The following UPP2 variants were observed in gnomAD, a reference collection of about 807,000 sequenced individuals.
The protein encoded by UPP2 is UPase 2.
A neutral mutation model predicts 26.7 loss-of-function variants in UPP2; 23 were observed. The observed-to-expected ratio is 0.86, with a 90% CI of 0.62 to 1.22. The LOEUF (loss-of-function observed/expected upper bound fraction) is 1.22. Among genes scored for constraint, UPP2 ranks in the 50% most tolerant of loss-of-function variants. The probability of loss-of-function intolerance (pLI) is 0.00; values close to 1 mark genes in which losing one functional copy is unlikely to be tolerated. For synonymous variants in UPP2, 127 were observed against 141.3 expected, an observed-to-expected ratio of 0.90 and a Z score of 0.72; for missense variants, 387 against 396.7, an observed-to-expected ratio of 0.98 and a Z score of 0.21.
At chr2:158,069,680 A>G (rs911274261) in intron 3 of UPP2, among the ~76,000 whole-genome samples, 1 of 152,214 alleles carries the variant, frequency 6.6e-6, no homozygotes, top group African/African-American at 2.4e-5. Flanking sequence ...GATTTTCAGC[A>G]AGTTCCACTG....
At chr2:158,081,003 A>G (rs1682715643) in intron 3 of UPP2, among the ~76,000 whole-genome samples, 1 of 152,214 alleles carries the variant, frequency 6.6e-6, no homozygotes, top group African/African-American at 2.4e-5. Context: ...ATGTTAAAAA[A>G]TGAAGTGTGT....
chr2:158,077,301 T>C (rs947946524), intron 3 of UPP2, among the ~76,000 whole-genome samples: 2 of 152,004 alleles, frequency 1.3e-5, no homozygotes, highest in African/African-American at 4.8e-5. Context: ...ATCCTAGAAC[T>C]TATATGAAAC....
At chr2:158,129,242 G>A (rs1683759498) in intron 6 of UPP2, among the ~76,000 whole-genome samples, 1 of 151,858 alleles carries the variant, frequency 6.6e-6, no homozygotes, top group African/African-American at 2.4e-5. Context: ...GATTCCCCTG[G>A]TGAGCCTCTC....
rs1325887738 is a variant in UPP2 at position 158,090,525 on chromosome 2, AC to A, written c.148-11514del. ...CAAAAAAACCCAAAAAACCCAAAAA[AC>A]AAACAAACAAACAAACCAAATGTAT... On this transcript the variant is annotated intron_variant, in intron 3 of 9. Transcript: ENST00000605860. 2.3e-3 allele frequency among the ~76,000 whole-genome samples: 336 copies of A among 146,354 alleles called. 1 individual carries two copies. Among genetic ancestry groups the A allele is most frequent in the African/African-American group, 9.0e-3 (325 of 36,264 alleles).
chr2:158,078,203 C>A (rs1306264019), intron 3 of UPP2, among the ~76,000 whole-genome samples: 2 of 152,098 alleles, frequency 1.3e-5, no homozygotes, highest in Admixed American at 6.6e-5. Flanking sequence ...AGTAGTACGA[C>A]CACTATGGAG....
chr2:158,118,145 G>A lies in UPP2; in HGVS notation c.454+207G>A, dbSNP rs1415082473. ...TTCTTTATGGAAACCCACAGGGAGA[G>A]ATCTCACTGCCTATTGCGGGATAGT... On this transcript the variant is annotated intron_variant, in intron 4 of 6. Transcript: ENST00000005756. Among the ~76,000 whole-genome samples the A allele has an allele frequency of 2.0e-5, 3 of 152,020 alleles. No individual in the cohort carries two copies. The East Asian group carries it at 5.8e-4, about 29-fold the overall frequency.
chr2:158,086,507 T>C (rs919023296), intron 3 of UPP2, among the ~76,000 whole-genome samples: 6 of 152,158 alleles, frequency 3.9e-5, no homozygotes, highest in African/African-American at 7.2e-5. Flanking sequence ...GCTCTGATCA[T>C]TGTTATTTCT....
intron 3 of UPP2, chr2:158,065,479 T>A: frequency 3.2e-6 from 1 of 312,928 alleles, no homozygotes; most frequent in Non-Finnish European, 6.3e-6. Context: ...TTTCTTTGCA[T>A]CATTTCTGTA....
At chr2:158,088,528 T>A (rs1682855125) in intron 3 of UPP2, among the ~76,000 whole-genome samples, 1 of 152,214 alleles carries the variant, frequency 6.6e-6, no homozygotes, top group Non-Finnish European at 1.5e-5. Context: ...GGTGAGCCAG[T>A]GTGATCTTTT....
intron 3 of UPP2, among the ~76,000 whole-genome samples, chr2:158,092,167 C>T (rs943589016): frequency 1.3e-5 from 2 of 151,934 alleles, no homozygotes; most frequent in African/African-American, 4.8e-5. Context: ...AAGAGGGGTG[C>T]CAGAAGAAGA....
In UPP2 at chr2:158,017,324, G is replaced by T. The variant is rs1221610405; in HGVS notation, c.147+1438G>T. Among the ~76,000 whole-genome samples the T allele has an allele frequency of 1.3e-5, 2 of 152,176 alleles. 1 individual carries two copies. The highest frequency in any genetic ancestry group is 4.2e-4 in the South Asian group (2 of 4,818). On this transcript the variant is annotated intron_variant, in intron 3 of 9. Coordinates refer to the UPP2 transcript ENST00000605860. ...CTTTTATAGCAAAGGTGACCCAGAG[G>T]TACCTTGTGAATAATAGAACAACAT...
intron 3 of UPP2, among the ~76,000 whole-genome samples, chr2:158,040,657 T>G (rs1024897321): frequency 6.6e-6 from 1 of 152,226 alleles, no homozygotes; most frequent in African/African-American, 2.4e-5. Context: ...CACTTTAATC[T>G]AATAGTGATT....
intron 3 of UPP2, among the ~76,000 whole-genome samples, chr2:158,078,411 T>C (rs1682665478): frequency 6.6e-6 from 1 of 152,106 alleles, no homozygotes; most frequent in Non-Finnish European, 1.5e-5. Flanking sequence ...AATGGATGAA[T>C]GAATGTGATA....
rs375560141 is a variant in UPP2 at position 158,122,845 on chromosome 2, G to T, written c.665-904G>T. Among the ~76,000 whole-genome samples, 119 of 152,276 alleles carry T rather than the reference G, an allele frequency of 7.8e-4. 3 individuals carry two copies. The South Asian group carries it at 0.023, about 30-fold the overall frequency. On this transcript the variant is annotated intron_variant, in intron 5 of 6. Coordinates refer to ENST00000005756, the MANE Select transcript of UPP2 (RefSeq NM_173355.4). ...ACATTACCTGCTTGGCTTCTGCGAT[G>T]TCTGTGTTTGAATCAGCTTAAATAG...
intron 3 of UPP2, 47 bp from the exon 4 acceptor site, chr2:158,117,777 T>C (rs1683472088): frequency 1.5e-6 from 2 of 1,368,722 alleles, no homozygotes; most frequent in East Asian, 2.3e-5. Context: ...GTCCTGTTCA[T>C]GTATCACTTT....
intron 3 of UPP2, among the ~76,000 whole-genome samples, chr2:158,026,912 C>T (rs376646054): frequency 3.3e-5 from 5 of 152,216 alleles, no homozygotes; most frequent in African/African-American, 9.6e-5. Flanking sequence ...AAAGCGGAAA[C>T]CCCTGATAAA....
chr2:158,122,211 T>C (rs1683584970), intron 5 of UPP2, among the ~76,000 whole-genome samples: 1 of 151,028 alleles, frequency 6.6e-6, no homozygotes, highest in Admixed American at 6.6e-5. Flanking sequence ...CCCCCGATTC[T>C]TTCTCGTCCC....
chr2:158,111,308 C>G (rs908081790), intron 2 of UPP2, among the ~76,000 whole-genome samples: 4 of 151,966 alleles, frequency 2.6e-5, no homozygotes, highest in Non-Finnish European at 4.4e-5. Context: ...AATGTTATGT[C>G]TTCTTGGTAA....
intron 2 of UPP2, among the ~76,000 whole-genome samples, chr2:158,013,259 G>A (rs1574245380): frequency 1.3e-5 from 2 of 152,314 alleles, no homozygotes; most frequent in South Asian, 4.1e-4. Flanking sequence ...GCCTCCCAAA[G>A]TGCTGGCATT....
Sources: allele counts gnomAD v4.1 joint callset (sites outside exome capture counted in the v4.1 genomes callset), GRCh38; gene constraint gnomAD v4.1.1; transcripts MANE v1.5; gene names NCBI Gene and HGNC (gene_info 2026-07-23, HGNC 2026-07-21).